SLC25A23: variants seen among roughly 807,000 people sequenced by gnomAD.
SLC25A23 encodes the protein solute carrier family 25 member 23, also known as mitochondrial adenyl nucleotide antiporter SLC25A23.
SLC25A23 carries 32 observed loss-of-function variants against 53.9 expected under a neutral mutation model. That is an observed-to-expected ratio of 0.59 (90% CI 0.45 to 0.80). The LOEUF is 0.80. SLC25A23 is among the 30% of genes least tolerant of loss of function. The probability of loss-of-function intolerance (pLI) is 0.00; values close to 1 mark genes in which losing one functional copy is unlikely to be tolerated. For synonymous variants in SLC25A23, 275 were observed against 264.5 expected, an observed-to-expected ratio of 1.04 and a Z score of -0.38; for missense variants, 575 against 651.4, an observed-to-expected ratio of 0.88 and a Z score of 1.28.
intron 8 of SLC25A23, among the ~76,000 whole-genome samples, chr19:6,449,255 CTTTT>C (rs57753988): frequency 2.2e-5 from 3 of 138,198 alleles, no homozygotes; most frequent in African/African-American, 7.9e-5. Flanking sequence ...TTCTTTCTTT[CTTTT>C]TTTTTTTTTT....
rs766896211 is a variant in SLC25A23 at position 6,454,355 on chromosome 19, C to G, written c.763G>C (p.Glu255Gln). 1 of 1,614,124 alleles carries G rather than the reference C, an allele frequency of 6.2e-7. No individual in the cohort carries two copies. The highest frequency in any genetic ancestry group is 8.5e-7 in the Non-Finnish European group (1 of 1,179,998). ...TAGGCCATGAACTTGATAGCTGACTCGGGGGCAATCTTGAGTACATTAATA... is the reference window on the plus strand; with the variant it reads ...TAGGCCATGAACTTGATAGCTGACTGGGGGGCAATCTTGAGTACATTAATA... ...NGINVLKIAPESAIKFMAYEQ... is the reference protein window; with the variant it reads ...NGINVLKIAPQSAIKFMAYEQ... Residue 255 changes from glutamate to glutamine, a missense_variant, in exon 6 of 10, where the codon GAG becomes CAG. Glu to Gln is a conservative substitution (Grantham distance 29). Transcript: ENST00000301454. The surrounding 1 kb of genome is among the most constrained non-coding windows in gnomAD (Gnocchi z 4.3).
At position 6,459,679 on chromosome 19, in the gene SLC25A23, G is replaced by A; in HGVS notation, c.-51C>T. On this transcript the variant is annotated 5_prime_UTR_variant, in exon 1 of 10. Coordinates refer to ENST00000301454, the MANE Select transcript of SLC25A23 (RefSeq NM_024103.3). The surrounding 1 kb of genome is among the most constrained non-coding windows in gnomAD (Gnocchi z 4.6). ...GCCCGGCAGCGGCGGCCTCAGTGGG[G>A]GCTTCGCGGCTCCCCCTCCCCCCCC... 7.9e-7 allele frequency: 1 copy of A among 1,261,556 alleles called. No homozygotes were observed. The highest frequency in any genetic ancestry group is 9.9e-7 in the Non-Finnish European group (1 of 1,006,094). 78.1% of individuals were successfully genotyped at this position (1,261,556 alleles called of 1,614,324 possible). A position where few individuals can be genotyped will look rare whatever the true frequency, so the allele number is the denominator to read the frequency against.
At position 6,453,529 on chromosome 19, in the gene SLC25A23, C is replaced by T. The variant is rs376516703; in HGVS notation, c.903+452G>A. ...TGCTGGGATTACAGGCGCTAGACATCGCACCCAGCTGACATGATTTAAGTT... is the reference window on the plus strand; with the variant it reads ...TGCTGGGATTACAGGCGCTAGACATTGCACCCAGCTGACATGATTTAAGTT... On this transcript the variant is annotated intron_variant, in intron 7 of 9. Transcript: ENST00000301454. Among the ~76,000 whole-genome samples, 6 of 152,278 alleles carry T rather than the reference C, an allele frequency of 3.9e-5. No homozygotes were observed. The East Asian group carries it at 5.8e-4, about 15-fold the overall frequency.
At chr19:6,448,798 C>T (rs1387068245) in intron 8 of SLC25A23, among the ~76,000 whole-genome samples, 1 of 151,082 alleles carries the variant, frequency 6.6e-6, no homozygotes, top group Non-Finnish European at 1.5e-5. Context: ...CCGAGGTGGT[C>T]GGATCACTTG....
rs989928263 is a variant in SLC25A23 at position 6,459,777 on chromosome 19, T to C, written c.-149A>G. 5.0e-6 allele frequency: 3 copies of C among 595,578 alleles called. No homozygotes were observed. The highest frequency in any genetic ancestry group is 3.9e-5 in the African/African-American group (2 of 51,088). The allele number at this position is 595,578 out of a possible 1,614,324, so 36.9% of individuals were successfully genotyped here. A position where few individuals can be genotyped will look rare whatever the true frequency, so the allele number is the denominator to read the frequency against. On this transcript the variant is annotated 5_prime_UTR_variant, in exon 1 of 10. Coordinates refer to ENST00000301454, the MANE Select transcript of SLC25A23 (RefSeq NM_024103.3). The surrounding 1 kb of genome is among the most constrained non-coding windows in gnomAD (Gnocchi z 4.6). ...GCGCAGTCCGCTCGGCTCTGGCACT[T>C]GCGGGAGGTGGTGACGGCTAGCCGT...
At chr19:6,443,417 G>A (rs775247242) in intron 9 of SLC25A23, 1 of 509,780 alleles carries the variant, frequency 2.0e-6, no homozygotes, top group Non-Finnish European at 3.5e-6. Context: ...AAAAAAAGAT[G>A]GGGTCTTGCT....
chr19:6,455,434 G>A (rs185935706), intron 4 of SLC25A23, among the ~76,000 whole-genome samples: 36 of 151,804 alleles, frequency 2.4e-4, no homozygotes, highest in Admixed American at 1.6e-3. Context: ...AGGGACCCAC[G>A]AAATCTCACA....
intron 9 of SLC25A23, chr19:6,443,772 G>T (rs761554829): frequency 3.3e-5 from 19 of 572,420 alleles, no homozygotes; most frequent in Non-Finnish European, 4.3e-5. Context: ...ATTCATAAAA[G>T]AAAAATACAG....
At chr19:6,450,415 T>C (rs2092572387) in intron 8 of SLC25A23, among the ~76,000 whole-genome samples, 1 of 152,202 alleles carries the variant, frequency 6.6e-6, no homozygotes, top group Non-Finnish European at 1.5e-5. Context: ...TCCTGTCTTG[T>C]GATCTTCTGA....
At chr19:6,445,869 T>C (rs1014329393) in intron 8 of SLC25A23, among the ~76,000 whole-genome samples, 20 of 151,674 alleles carry the variant, frequency 1.3e-4, no homozygotes, top group Non-Finnish European at 2.9e-5. Flanking sequence ...CTCGGAAACA[T>C]AGCAAGACTC....
downstream of SLC25A23, among the ~76,000 whole-genome samples, chr19:6,437,132 T>C (rs764254007): frequency 4.6e-5 from 7 of 152,090 alleles, no homozygotes; most frequent in Non-Finnish European, 7.4e-5. Flanking sequence ...CTCAGCCTCC[T>C]GAGCAGCTGG....
Position 6,454,801 on chromosome 19 carries a change from T to TTTA in SLC25A23, c.484-85_484-84insTAA. Reference sequence around the variant, plus strand: ...GTCCTAAATAGGGGAGTCTCCTCTATGAATCCTAGGATACCCTAGAGTCTG... The same window carrying TTTA: ...GTCCTAAATAGGGGAGTCTCCTCTATTTAGAATCCTAGGATACCCTAGAGTCTG... On this transcript the variant is annotated intron_variant, in intron 4 of 9. Coordinates refer to ENST00000301454, the MANE Select transcript of SLC25A23 (RefSeq NM_024103.3). The surrounding 1 kb of genome is among the most constrained non-coding windows in gnomAD (Gnocchi z 4.3). The TTTA allele has an allele frequency of 2.0e-6, 3 of 1,505,264 alleles. No homozygotes were observed. The highest frequency in any genetic ancestry group is 2.7e-6 in the Non-Finnish European group (3 of 1,104,614). 93.2% of individuals were successfully genotyped at this position (1,505,264 alleles called of 1,614,324 possible).
chr19:6,456,677 T>C lies in SLC25A23; in HGVS notation c.372-146A>G, dbSNP rs185623333. ...AGAGATGTAGCAAATATTACCATCA[T>C]TTTCTTTTTTCTTTTTTTTTGAGAC... On this transcript the variant is annotated intron_variant, in intron 3 of 9. Coordinates refer to ENST00000301454, the MANE Select transcript of SLC25A23 (RefSeq NM_024103.3). 479 of 607,192 alleles carry C rather than the reference T, an allele frequency of 7.9e-4. 2 individuals are homozygous for C. The highest frequency in any genetic ancestry group is 1.2e-3 in the Non-Finnish European group (420 of 343,474). 37.6% of individuals were successfully genotyped at this position (607,192 alleles called of 1,614,324 possible). A position where few individuals can be genotyped will look rare whatever the true frequency, so the allele number is the denominator to read the frequency against.
At chr19:6,443,727 T>C (rs1284957466) in intron 9 of SLC25A23, 8 of 669,288 alleles carry the variant, frequency 1.2e-5, no homozygotes, top group Middle Eastern at 2.4e-4. Flanking sequence ...TCAGGGAGAA[T>C]GGGAGGGTAG....
Position 6,455,805 on chromosome 19 carries a change from G to A in SLC25A23, c.483+615C>T, listed in dbSNP as rs371209778. ...CGATCTCGGCTCACTGCAAGCTCCC[G>A]CCTCCTGGGTTCACGCCATTCTCCT... On this transcript the variant is annotated intron_variant, in intron 4 of 9. Coordinates refer to ENST00000301454, the MANE Select transcript of SLC25A23 (RefSeq NM_024103.3). 1.6e-3 allele frequency: 412 copies of A among 260,090 alleles called. 3 individuals are homozygous for A. Among genetic ancestry groups the A allele is most frequent in the African/African-American group, 4.7e-3 (196 of 41,974 alleles). 16.1% of individuals were successfully genotyped at this position (260,090 alleles called of 1,614,324 possible).
In SLC25A23 at chr19:6,454,784, T is replaced by C. The variant is rs930888724; in HGVS notation, c.484-67A>G. 11 of 1,560,190 alleles carry C rather than the reference T, an allele frequency of 7.1e-6. No individual in the cohort carries two copies. The highest frequency in any genetic ancestry group is 1.4e-5 in the African/African-American group (1 of 73,606). On this transcript the variant is annotated intron_variant, in intron 4 of 9. Transcript: ENST00000301454. This position sits in a 1 kb window ranked among gnomAD's most constrained non-coding sequence, Gnocchi z 4.3. ...CAGGGAGATGTGACTCAGTCCTAAA[T>C]AGGGGAGTCTCCTCTATGAATCCTA...
rs1423377238 is a variant in SLC25A23 at position 6,440,629 on chromosome 19, G to A, written c.*1346C>T. Reference sequence around the variant, plus strand: ...ATGCTGTGAAGTGTGGGGATGCAGGGAGTGGAGTGGTTCCAGGGAACAGTT... The same window carrying A: ...ATGCTGTGAAGTGTGGGGATGCAGGAAGTGGAGTGGTTCCAGGGAACAGTT... On this transcript the variant is annotated 3_prime_UTR_variant, in exon 10 of 10. Transcript: ENST00000301454. 6.6e-6 allele frequency: 1 copy of A among 151,918 alleles called. No homozygotes were observed. Among genetic ancestry groups the A allele is most frequent in the Non-Finnish European group, 1.5e-5 (1 of 67,998 alleles). The allele number at this position is 151,918 out of a possible 1,614,324, so 9.4% of individuals were successfully genotyped here.
In SLC25A23 at chr19:6,459,768, T is replaced by C; in HGVS notation, c.-140A>G. On this transcript the variant is annotated 5_prime_UTR_variant, in exon 1 of 10. Transcript: ENST00000301454. This position sits in a 1 kb window ranked among gnomAD's most constrained non-coding sequence, Gnocchi z 4.6. ...GCAGCCTCCGCGCAGTCCGCTCGGC[T>C]CTGGCACTTGCGGGAGGTGGTGACG... is the stretch of plus-strand genomic sequence containing the variant. The C allele has an allele frequency of 1.5e-6, 1 of 667,224 alleles. No individual in the cohort carries two copies. The highest frequency in any genetic ancestry group is 2.1e-6 in the Non-Finnish European group (1 of 487,570). The allele number at this position is 667,224 out of a possible 1,614,324, so 41.3% of individuals were successfully genotyped here.
rs566724089 is a variant in SLC25A23, at chr19:6,454,126, G to C, written c.796-38C>G. The C allele has an allele frequency of 2.3e-5, 36 of 1,584,564 alleles. No individual in the cohort carries two copies. The Middle Eastern group carries it at 2.2e-3, about 96-fold the overall frequency. On this transcript the variant is annotated intron_variant, in intron 6 of 9. Coordinates refer to ENST00000301454, the MANE Select transcript of SLC25A23 (RefSeq NM_024103.3). The surrounding 1 kb of genome is among the most constrained non-coding windows in gnomAD (Gnocchi z 4.3). ...GACACAGGGATGGGTAGGACCATGGGGGTTGAACCTTCCTTGCACTCCACT... is the reference window on the plus strand; with the variant it reads ...GACACAGGGATGGGTAGGACCATGGCGGTTGAACCTTCCTTGCACTCCACT...
Sources: gnomAD v4.1 joint callset for allele counts (sites outside exome capture counted in the v4.1 genomes callset) on GRCh38, gnomAD v4.1.1 for gene constraint, Gnocchi (gnomAD v3.1) non-coding constraint, MANE v1.5 for transcripts, NCBI Gene and HGNC (gene_info 2026-07-23, HGNC 2026-07-21) for gene names.